The following CAMKMT variants were observed in gnomAD, a reference collection of about 807,000 sequenced individuals.
CAMKMT encodes the protein calmodulin-lysine N-methyltransferase.
Under a neutral mutation model 48.0 loss-of-function variants are expected in CAMKMT, and 53 were observed. That is an observed-to-expected ratio of 1.10 (90% CI 0.89 to 1.39). The LOEUF (loss-of-function observed/expected upper bound fraction) is 1.39, where lower values mean the gene tolerates loss of function less well. CAMKMT is among the 40% of genes most tolerant of loss of function. The pLI, the probability that CAMKMT is intolerant of heterozygous loss-of-function variation, is 0.00. For synonymous variants in CAMKMT, 165 were observed against 152.3 expected, an observed-to-expected ratio of 1.08 and a Z score of -0.61; for missense variants, 428 against 402.7, an observed-to-expected ratio of 1.06 and a Z score of -0.54.
chr2:44,362,748 T>G (rs1227749093), intron 1 of CAMKMT, among the ~76,000 whole-genome samples: 1 of 152,232 alleles, frequency 6.6e-6, no homozygotes, highest in East Asian at 1.9e-4. Flanking sequence ...AGATTCTCCG[T>G]GTCCAAGGTG....
At chr2:44,575,694 A>G (rs1001914676) in intron 3 of CAMKMT, among the ~76,000 whole-genome samples, 4 of 151,742 alleles carry the variant, frequency 2.6e-5, no homozygotes, top group African/African-American at 9.7e-5. Flanking sequence ...ACATGGCGAA[A>G]CCCCATCTCT....
intron 1 of CAMKMT, among the ~76,000 whole-genome samples, chr2:44,370,578 A>T (rs1679073120): frequency 6.6e-6 from 1 of 151,834 alleles, no homozygotes; most frequent in Non-Finnish European, 1.5e-5. Flanking sequence ...CAGTTTTATC[A>T]ATCTTTTCAA....
chr2:44,388,472 G>T (rs867139581), intron 2 of CAMKMT, among the ~76,000 whole-genome samples: 12 of 152,234 alleles, frequency 7.9e-5, no homozygotes, highest in Middle Eastern at 6.8e-3. Context: ...TCCCTGATTA[G>T]CTTAATAACT....
intron 3 of CAMKMT, among the ~76,000 whole-genome samples, chr2:44,475,543 C>A (rs1016630568): frequency 6.6e-6 from 1 of 152,098 alleles, no homozygotes; most frequent in Non-Finnish European, 1.5e-5. Context: ...GTCTTGATCT[C>A]TTCACCTTGT....
At chr2:44,538,241 C>G (rs145008141) in intron 3 of CAMKMT, among the ~76,000 whole-genome samples, 4,345 of 151,904 alleles carry the variant, frequency 0.029, 206 homozygotes, top group African/African-American at 0.099. Context: ...TGGTTGTGGG[C>G]ACCTGTAATC....
At chr2:44,480,857 C>T (rs914788168) in intron 3 of CAMKMT, among the ~76,000 whole-genome samples, 5 of 151,996 alleles carry the variant, frequency 3.3e-5, no homozygotes, top group African/African-American at 1.2e-4. Flanking sequence ...TTAAAACATA[C>T]ATATTTATAT....
intron 3 of CAMKMT, among the ~76,000 whole-genome samples, chr2:44,687,383 A>G (rs1031233530): frequency 2.6e-5 from 4 of 152,194 alleles, no homozygotes; most frequent in African/African-American, 9.7e-5. Flanking sequence ...TGGTCTTAGT[A>G]TCTCGCCCAG....
At chr2:44,397,907 A>T (rs1376593587) in intron 3 of CAMKMT, among the ~76,000 whole-genome samples, 1 of 152,206 alleles carries the variant, frequency 6.6e-6, no homozygotes, top group Non-Finnish European at 1.5e-5. Context: ...GAGGTAGCTC[A>T]TGTCTTTGTC....
chr2:44,678,120 G>T (rs948603424), intron 3 of CAMKMT, among the ~76,000 whole-genome samples: 1 of 151,884 alleles, frequency 6.6e-6, no homozygotes, highest in Non-Finnish European at 1.5e-5. Context: ...GGGTTGCTGC[G>T]TTTCCGAAAA....
intron 3 of CAMKMT, among the ~76,000 whole-genome samples, chr2:44,627,933 C>G (rs1344266984): frequency 6.6e-6 from 1 of 151,880 alleles, no homozygotes; most frequent in East Asian, 1.9e-4. Flanking sequence ...CTCCTGACCT[C>G]AGGTGATCCA....
At chr2:44,669,533 T>G in intron 3 of CAMKMT, among the ~76,000 whole-genome samples, 1 of 152,270 alleles carries the variant, frequency 6.6e-6, no homozygotes, top group Non-Finnish European at 1.5e-5. Context: ...AAGCACTGGA[T>G]GAAAGTTCCC....
At chr2:44,493,224 A>T (rs747816442) in intron 3 of CAMKMT, among the ~76,000 whole-genome samples, 24 of 152,154 alleles carry the variant, frequency 1.6e-4, no homozygotes, top group Non-Finnish European at 3.1e-4. Context: ...AGCACTGGTC[A>T]ACAGGAAAAA....
At chr2:44,438,521 C>A (rs1029809777) in intron 3 of CAMKMT, among the ~76,000 whole-genome samples, 1 of 152,122 alleles carries the variant, frequency 6.6e-6, no homozygotes, top group South Asian at 2.1e-4. Flanking sequence ...TTTTCCTATT[C>A]ATTTACATAA....
intron 6 of CAMKMT, 87 bp downstream of exon 6, chr2:44,707,549 G>C: frequency 8.8e-7 from 1 of 1,140,054 alleles, no homozygotes; most frequent in African/African-American, 1.6e-5. Flanking sequence ...AAGACAGCAT[G>C]GGGTATTAAA....
intron 3 of CAMKMT, among the ~76,000 whole-genome samples, chr2:44,597,712 T>C (rs1337493612): frequency 6.6e-6 from 1 of 152,146 alleles, no homozygotes. Context: ...GTAACATATA[T>C]GCTTCCTTAT....
intron 3 of CAMKMT, among the ~76,000 whole-genome samples, chr2:44,446,227 T>C (rs886167592): frequency 3.3e-5 from 5 of 151,018 alleles, no homozygotes; most frequent in Admixed American, 3.3e-4. Context: ...GGATTACAGG[T>C]GTGAGCCACT....
intron 3 of CAMKMT, among the ~76,000 whole-genome samples, chr2:44,566,401 A>G (rs892987355): frequency 1.3e-5 from 2 of 152,372 alleles, no homozygotes; most frequent in African/African-American, 4.8e-5. Context: ...ACAAAAAGGT[A>G]CTACAAGTAT....
chr2:44,613,128 ATT>A (rs1346145201), intron 3 of CAMKMT, among the ~76,000 whole-genome samples: 3 of 152,198 alleles, frequency 2.0e-5, no homozygotes, highest in African/African-American at 7.2e-5. Context: ...ATTTGACATT[ATT>A]TTGGTAACAT....
chr2:44,637,867 C>A (rs1478703544), intron 3 of CAMKMT, among the ~76,000 whole-genome samples: 1 of 151,774 alleles, frequency 6.6e-6, no homozygotes, highest in African/African-American at 2.4e-5. Context: ...ATGATTGAGA[C>A]CATCCTGGCC....
Sources: gnomAD v4.1 joint callset for allele counts (sites outside exome capture counted in the v4.1 genomes callset) on GRCh38, gnomAD v4.1.1 for gene constraint, MANE v1.5 for transcripts, NCBI Gene and HGNC (gene_info 2026-07-23, HGNC 2026-07-21) for gene names.